Variants in MAGI2 observed in about 807,000 individuals in gnomAD.
MAGI2 encodes membrane associated guanylate kinase, WW and PDZ domain containing 2.
MAGI2 carries 35 observed loss-of-function variants against 133.3 expected under a neutral mutation model. That is an observed-to-expected ratio of 0.26 (90% CI 0.20 to 0.35). The LOEUF is 0.35. Ranked by LOEUF, MAGI2 falls within the 10% of genes least tolerant of loss-of-function variation. The probability of loss-of-function intolerance (pLI) is 1.00; values close to 1 mark genes in which losing one functional copy is unlikely to be tolerated. For synonymous variants in MAGI2, 729 were observed against 710.6 expected, an observed-to-expected ratio of 1.03 and a Z score of -0.41; for missense variants, 1,636 against 1,863.4, an observed-to-expected ratio of 0.88 and a Z score of 2.25.
At chr7:78,818,601 AG>A (rs1222776640) in intron 2 of MAGI2, among the ~76,000 whole-genome samples, 2 of 152,160 alleles carry the variant, frequency 1.3e-5, no homozygotes, top group East Asian at 1.9e-4. Flanking sequence ...TCTTGAAGTA[AG>A]GAAAAAAGAA....
In MAGI2 at chr7:79,351,449, A is replaced by G. The variant is rs543347348; in HGVS notation, c.301+101571T>C. Among the ~76,000 whole-genome samples, 3 of 152,296 alleles carry G rather than the reference A, an allele frequency of 2.0e-5. No individual in the cohort carries two copies. The South Asian group carries it at 6.2e-4, about 32-fold the overall frequency. ...AGCATGTTGGGACTTCAATGAAAAT[A>G]ATACTAGAAGAAAAACTGAATAATT... On this transcript the variant is annotated intron_variant, in intron 1 of 21. Transcript: ENST00000354212.
At chr7:78,366,277 C>A (rs1475687295) in intron 7 of MAGI2, among the ~76,000 whole-genome samples, 1 of 152,014 alleles carries the variant, frequency 6.6e-6, no homozygotes, top group African/African-American at 2.4e-5. Flanking sequence ...AATGCTATCA[C>A]TATAATTATG....
chr7:78,332,727 G>C (rs1173328986), intron 9 of MAGI2, among the ~76,000 whole-genome samples: 1 of 151,476 alleles, frequency 6.6e-6, no homozygotes, highest in East Asian at 1.9e-4. Flanking sequence ...AAGGAGAGTA[G>C]TGGCTAGAAA....
intron 7 of MAGI2, among the ~76,000 whole-genome samples, chr7:78,346,304 G>A (rs1259313005): frequency 6.6e-6 from 1 of 152,196 alleles, no homozygotes; most frequent in Admixed American, 6.5e-5. Context: ...GAACTAGAAT[G>A]TGCACTTGCT....
chr7:78,988,546 A>C (rs539680007), intron 2 of MAGI2, among the ~76,000 whole-genome samples: 1 of 152,220 alleles, frequency 6.6e-6, no homozygotes, highest in African/African-American at 2.4e-5. Flanking sequence ...TTGCAATTAA[A>C]CCCATTAATT....
At chr7:79,397,948 CTAATA>C (rs1174822634) in intron 1 of MAGI2, among the ~76,000 whole-genome samples, 3 of 152,090 alleles carry the variant, frequency 2.0e-5, no homozygotes, top group Non-Finnish European at 4.4e-5. Flanking sequence ...ACTTTCCTCC[CTAATA>C]TATTTCCTTG....
chr7:78,484,056 CAAAT>C (rs1413498830), intron 6 of MAGI2: 1 of 151,770 alleles, frequency 6.6e-6, no homozygotes, highest in African/African-American at 2.4e-5. Context: ...ATTATCAAAA[CAAAT>C]TTAATGAGAA....
intron 3 of MAGI2, among the ~76,000 whole-genome samples, chr7:78,602,992 G>T (rs959188749): frequency 1.3e-5 from 2 of 152,096 alleles, no homozygotes; most frequent in African/African-American, 2.4e-5. Flanking sequence ...AGAGAAATAC[G>T]ATCAAAGCTT....
intron 2 of MAGI2, among the ~76,000 whole-genome samples, chr7:78,853,328 CG>C (rs1793307941): frequency 1.7e-5 from 1 of 59,744 alleles, no homozygotes; most frequent in African/African-American, 6.4e-5. Flanking sequence ...CTTGTCCATT[CG>C]TTCTTTTTTT....
intron 10 of MAGI2, among the ~76,000 whole-genome samples, chr7:78,236,766 G>C (rs1242024133): frequency 6.6e-6 from 1 of 152,140 alleles, no homozygotes; most frequent in Non-Finnish European, 1.5e-5. Context: ...CTGTGTATTA[G>C]TCTGTTCTCA....
At chr7:79,081,251 T>C (rs1381224919) in intron 1 of MAGI2, among the ~76,000 whole-genome samples, 2 of 152,174 alleles carry the variant, frequency 1.3e-5, no homozygotes, top group Admixed American at 6.6e-5. Context: ...TTTATCTCCA[T>C]CTCAGTTCAA....
At chr7:79,395,371 A>C (rs1245555873) in intron 1 of MAGI2, among the ~76,000 whole-genome samples, 1 of 152,150 alleles carries the variant, frequency 6.6e-6, no homozygotes, top group East Asian at 1.9e-4. Context: ...GAAACTGCAG[A>C]ATGTTGGTTT....
chr7:79,158,601 G>T lies in MAGI2; in HGVS notation c.302-151395C>A, dbSNP rs79552342. Among the ~76,000 whole-genome samples the T allele has an allele frequency of 8.6e-3, 1,308 of 152,088 alleles. 39 individuals are homozygous for T. Among genetic ancestry groups the T allele is most frequent in the Admixed American group, 0.053 (805 of 15,250 alleles). On this transcript the variant is annotated intron_variant, in intron 1 of 21. Transcript: ENST00000354212. ...CGAAAACAGAATAATCTTAGCTTTCGTATGCTTATGAAATATTGTTGGCTT... is the reference window on the plus strand; with the variant it reads ...CGAAAACAGAATAATCTTAGCTTTCTTATGCTTATGAAATATTGTTGGCTT...
chr7:78,667,019 CTTT>C (rs1405710813), intron 2 of MAGI2, among the ~76,000 whole-genome samples: 1 of 152,028 alleles, frequency 6.6e-6, no homozygotes, highest in African/African-American at 2.4e-5. Context: ...GAGAGTTGAT[CTTT>C]TTTATTTTAA....
chr7:78,313,754 T>C (rs977068781), intron 9 of MAGI2, among the ~76,000 whole-genome samples: 1 of 152,134 alleles, frequency 6.6e-6, no homozygotes, highest in African/African-American at 2.4e-5. Context: ...TAAGCAACAT[T>C]TCTTTTCAGA....
At chr7:78,319,256 A>G (rs1187323662) in intron 9 of MAGI2, among the ~76,000 whole-genome samples, 1 of 152,232 alleles carries the variant, frequency 6.6e-6, no homozygotes. Flanking sequence ...GGCTCAAAAT[A>G]AAGGGATGAA....
At chr7:78,268,804 A>G (rs1009396700) in intron 9 of MAGI2, among the ~76,000 whole-genome samples, 4 of 152,168 alleles carry the variant, frequency 2.6e-5, no homozygotes, top group Admixed American at 6.6e-5. Flanking sequence ...TTTTTATTAT[A>G]CTTTAAGTTC....
chr7:79,378,223 C>A (rs1843512474), intron 1 of MAGI2, among the ~76,000 whole-genome samples: 1 of 151,340 alleles, frequency 6.6e-6, no homozygotes, highest in South Asian at 2.1e-4. Context: ...AACTGGGAGA[C>A]AACAGGAAAA....
chr7:79,167,455 T>A (rs1422331472), intron 1 of MAGI2, among the ~76,000 whole-genome samples: 1 of 150,822 alleles, frequency 6.6e-6, no homozygotes, highest in East Asian at 2.0e-4. Context: ...AGTAAAATAC[T>A]TCCTTTAAAT....
Sources: gnomAD v4.1 joint callset for allele counts (sites outside exome capture counted in the v4.1 genomes callset) on GRCh38, gnomAD v4.1.1 for gene constraint, MANE v1.5 for transcripts, NCBI Gene and HGNC (gene_info 2026-07-23, HGNC 2026-07-21) for gene names.